The following ADGRG7 variants were observed in gnomAD, a reference collection of about 807,000 sequenced individuals.
ADGRG7 encodes the protein adhesion G protein-coupled receptor G7.
A neutral mutation model predicts 88.6 loss-of-function variants in ADGRG7; 82 were observed. The ratio of observed to expected loss-of-function variants is 0.93; its 90% CI spans 0.77 to 1.11. The LOEUF is 1.11. Ranked by LOEUF, ADGRG7 falls within the 50% of genes most tolerant of loss-of-function variation. The pLI is 0.00. For synonymous variants in ADGRG7, 381 were observed against 345.2 expected, an observed-to-expected ratio of 1.10 and a Z score of -1.15; for missense variants, 945 against 953.4, an observed-to-expected ratio of 0.99 and a Z score of 0.12.
intron 5 of ADGRG7, among the ~76,000 whole-genome samples, chr3:100,636,367 T>C (rs1007097470): frequency 6.6e-6 from 1 of 152,256 alleles, no homozygotes; most frequent in African/African-American, 2.4e-5. Flanking sequence ...TTGGAACATG[T>C]GATTTTAAAC....
At chr3:100,625,644 G>T (rs1707370635) in intron 1 of ADGRG7, among the ~76,000 whole-genome samples, 1 of 152,162 alleles carries the variant, frequency 6.6e-6, no homozygotes, top group African/African-American at 2.4e-5. Context: ...TGCCCATTCA[G>T]TACGATATTG....
At chr3:100,611,229 T>A (rs1248459059) in intron 1 of ADGRG7, among the ~76,000 whole-genome samples, 4 of 149,844 alleles carry the variant, frequency 2.7e-5, no homozygotes, top group South Asian at 2.1e-4. Flanking sequence ...CTTCACAAAG[T>A]TTTGTTTGTT....
intron 1 of ADGRG7, among the ~76,000 whole-genome samples, chr3:100,611,861 C>T (rs901818080): frequency 6.6e-6 from 1 of 152,186 alleles, no homozygotes; most frequent in Non-Finnish European, 1.5e-5. Flanking sequence ...TCACTTCACT[C>T]CACTCCACTC....
chr3:100,654,979 T>C lies in ADGRG7; in HGVS notation c.1524T>C (p.Phe508=). ...TSDGDINNID[F]DNNDIPRTDT... is the part of the protein sequence containing the mutation. Reference sequence around the variant, plus strand: ...ATGGTGACATCAATAATATTGACTTTGACAATAATGACATACCCAGGACAG... The same window carrying C: ...ATGGTGACATCAATAATATTGACTTCGACAATAATGACATACCCAGGACAG... The change falls in exon 12 of 16, where the codon TTT becomes TTC. Residue 508 remains phenylalanine (F), a synonymous_variant. Coordinates refer to ENST00000273352, the MANE Select transcript of ADGRG7 (RefSeq NM_032787.3). The C allele has an allele frequency of 1.2e-6, 2 of 1,614,070 alleles. No homozygotes were observed. Among genetic ancestry groups the C allele is most frequent in the Non-Finnish European group, 1.7e-6 (2 of 1,179,950 alleles).
At chr3:100,620,730 A>C (rs1244525510) in intron 1 of ADGRG7, among the ~76,000 whole-genome samples, 1 of 152,238 alleles carries the variant, frequency 6.6e-6, no homozygotes, top group East Asian at 1.9e-4. Flanking sequence ...CCCTGGCTGA[A>C]AGAATTATTA....
chr3:100,674,165 C>G (rs2094962042), intron 15 of ADGRG7, among the ~76,000 whole-genome samples: 1 of 152,176 alleles, frequency 6.6e-6, no homozygotes, highest in East Asian at 1.9e-4. Context: ...GTTTTTATGC[C>G]AGTACTATGC....
chr3:100,617,700 T>C (rs1269569893), intron 1 of ADGRG7, among the ~76,000 whole-genome samples: 15 of 152,178 alleles, frequency 9.9e-5, no homozygotes, highest in Admixed American at 3.3e-4. Context: ...TTTATAGCAG[T>C]ATGATTTATA....
intron 15 of ADGRG7, among the ~76,000 whole-genome samples, chr3:100,694,297 A>G (rs576440761): frequency 6.6e-6 from 1 of 152,356 alleles, no homozygotes; most frequent in Non-Finnish European, 1.5e-5. Context: ...ACAGAAAAGC[A>G]GTGACTAGAA....
intron 11 of ADGRG7, 26 bp from the exon 12 acceptor site, chr3:100,654,809 T>G: frequency 7.2e-7 from 1 of 1,381,826 alleles, no homozygotes; most frequent in Non-Finnish European, 9.8e-7. Context: ...CATTTAATTT[T>G]TTTATATTAA....
intron 15 of ADGRG7, among the ~76,000 whole-genome samples, chr3:100,678,492 G>T (rs779960280): frequency 6.6e-6 from 1 of 152,046 alleles, no homozygotes; most frequent in Admixed American, 6.5e-5. Context: ...TGTTCTTGAT[G>T]CTTGGGTATG....
At chr3:100,664,252 AAC>A (rs1410912648) in intron 14 of ADGRG7, among the ~76,000 whole-genome samples, 1 of 152,174 alleles carries the variant, frequency 6.6e-6, no homozygotes, top group Non-Finnish European at 1.5e-5. Flanking sequence ...GCACAGTATT[AAC>A]ACATTTAAAA....
intron 15 of ADGRG7, among the ~76,000 whole-genome samples, chr3:100,673,977 T>C (rs115515107): frequency 6.6e-6 from 1 of 152,222 alleles, no homozygotes; most frequent in Admixed American, 6.5e-5. Context: ...ATTTTGATGT[T>C]ACAGTGTCAA....
At chr3:100,682,350 G>A (rs544344105) in intron 15 of ADGRG7, among the ~76,000 whole-genome samples, 1 of 152,296 alleles carries the variant, frequency 6.6e-6, no homozygotes, top group African/African-American at 2.4e-5. Context: ...TGTAGAGCTG[G>A]GGTCACGCTT....
intron 9 of ADGRG7, among the ~76,000 whole-genome samples, 177 bp from the exon 10 acceptor site, chr3:100,646,392 A>G (rs1707747308): frequency 6.6e-6 from 1 of 152,210 alleles, no homozygotes. Context: ...AACTAAATGC[A>G]AAGTTAACTA....
chr3:100,632,153 G>A (rs1482099882), intron 3 of ADGRG7, among the ~76,000 whole-genome samples: 4 of 152,052 alleles, frequency 2.6e-5, no homozygotes, highest in Non-Finnish European at 4.4e-5. Flanking sequence ...ACTGAATTAG[G>A]AAGAGTAAAA....
intron 5 of ADGRG7, among the ~76,000 whole-genome samples, chr3:100,636,091 G>A (rs1250093954): frequency 6.6e-6 from 1 of 152,142 alleles, no homozygotes; most frequent in Middle Eastern, 3.2e-3. Context: ...GTCTCATTGT[G>A]TCACCCAGGC....
chr3:100,687,809 G>A (rs1170798948), intron 15 of ADGRG7, among the ~76,000 whole-genome samples: 8 of 152,280 alleles, frequency 5.3e-5, no homozygotes, highest in African/African-American at 1.7e-4. Flanking sequence ...TTGCATCGAT[G>A]TTCATCAGGG....
chr3:100,637,440 A>G (rs1337656097), intron 6 of ADGRG7, 38 bp downstream of exon 6: 1 of 1,407,144 alleles, frequency 7.1e-7, no homozygotes, highest in Non-Finnish European at 1.0e-6. Context: ...AACTTGACTA[A>G]GGGCTGTTTA....
intron 6 of ADGRG7, among the ~76,000 whole-genome samples, chr3:100,640,684 G>A (rs143824484): frequency 2.0e-5 from 3 of 152,208 alleles, no homozygotes; most frequent in Non-Finnish European, 2.9e-5. Flanking sequence ...ACCCTGCCCA[G>A]CTAATTTTTG....
Sources: allele counts gnomAD v4.1 joint callset (sites outside exome capture counted in the v4.1 genomes callset), GRCh38; gene constraint gnomAD v4.1.1; transcripts MANE v1.5; gene names NCBI Gene and HGNC (gene_info 2026-07-23, HGNC 2026-07-21).